DOCK9: variants seen among roughly 807,000 people sequenced by gnomAD.
DOCK9 encodes the protein dedicator of cytokinesis 9, also known as dedicator of cytokinesis protein 9.
A neutral mutation model predicts 263.3 loss-of-function variants in DOCK9; 89 were observed. The ratio of observed to expected loss-of-function variants is 0.34; its 90% CI spans 0.28 to 0.40. The LOEUF is 0.40. Ranked by LOEUF, DOCK9 falls within the 10% of genes least tolerant of loss-of-function variation. The pLI, the probability that DOCK9 is intolerant of heterozygous loss-of-function variation, is 1.00. For missense variants in DOCK9, 2,140 were observed against 2,603.4 expected (o/e 0.82, Z 3.87); for synonymous variants, 976 against 973.1 (o/e 1.00, Z -0.06).
At chr13:99,002,931 G>A (rs923561304) in intron 1 of DOCK9, among the ~76,000 whole-genome samples, 3 of 150,780 alleles carry the variant, frequency 2.0e-5, no homozygotes, top group Non-Finnish European at 4.4e-5. Context: ...TTCTACATCA[G>A]GGGGTTGTCA....
At chr13:98,868,101 T>C (rs1354508910) in intron 28 of DOCK9, 90 bp from the exon 29 acceptor site, 3 of 1,528,228 alleles carry the variant, frequency 2.0e-6, no homozygotes, top group East Asian at 4.6e-5. Flanking sequence ...AATAAGTTTA[T>C]CCACTGACAT....
intron 50 of DOCK9, among the ~76,000 whole-genome samples, chr13:98,797,785 C>T (rs145459106): frequency 7.2e-5 from 11 of 152,290 alleles, no homozygotes; most frequent in Admixed American, 5.2e-4. Context: ...ATAAGCAAAA[C>T]GCCAGAGATC....
chr13:98,971,004 G>A (rs1041478105), intron 1 of DOCK9, among the ~76,000 whole-genome samples: 5 of 152,094 alleles, frequency 3.3e-5, no homozygotes, highest in Non-Finnish European at 7.3e-5. Context: ...AATAAACAAA[G>A]CTTAAAACCT....
At chr13:99,039,511 TTTTAA>T (rs1178367467) in intron 1 of DOCK9, among the ~76,000 whole-genome samples, 2 of 152,360 alleles carry the variant, frequency 1.3e-5, no homozygotes, top group East Asian at 1.9e-4. Context: ...GTGTGTAATA[TTTTAA>T]TTTAATATCA....
At chr13:98,800,097 G>A (rs921623539) in intron 50 of DOCK9, among the ~76,000 whole-genome samples, 191 bp downstream of exon 50, 5 of 152,096 alleles carry the variant, frequency 3.3e-5, no homozygotes, top group Admixed American at 6.5e-5. Flanking sequence ...CTCATGGGGC[G>A]GGGGGCAGGG....
chr13:98,976,204 C>T (rs995138084), intron 1 of DOCK9, among the ~76,000 whole-genome samples: 1 of 152,234 alleles, frequency 6.6e-6, no homozygotes, highest in Admixed American at 6.5e-5. Flanking sequence ...CTGCCACAAG[C>T]TGCTGGGCCC....
chr13:98,846,553 T>G, intron 37 of DOCK9: 1 of 1,352,116 alleles, frequency 7.4e-7, no homozygotes, highest in Non-Finnish European at 9.8e-7. Flanking sequence ...CACACTTTGT[T>G]AAACTTGTCA....
In DOCK9 at chr13:98,825,678, A is replaced by T. The variant is rs2092495069; in HGVS notation, c.5023+1152T>A. ...CACCACATAACTCGGAGCCAATGGA[A>T]TAACAAAAATGGTGGCCAAGGTGCT... On this transcript the variant is annotated intron_variant, in intron 44 of 52. Transcript: ENST00000682017. This position sits in a 1 kb window ranked among gnomAD's most constrained non-coding sequence, Gnocchi z 4.1. 6.6e-6 allele frequency among the ~76,000 whole-genome samples: 1 copy of T among 152,186 alleles called. No homozygotes were observed. Among genetic ancestry groups the T allele is most frequent in the African/African-American group, 2.4e-5 (1 of 41,458 alleles).
At chr13:98,834,008 G>A (rs1333576063) in intron 39 of DOCK9, among the ~76,000 whole-genome samples, 3 of 152,192 alleles carry the variant, frequency 2.0e-5, no homozygotes, top group Non-Finnish European at 4.4e-5. Flanking sequence ...CTGAAGATGG[G>A]AAATTTTCAC....
rs59940349 is a variant in DOCK9 at position 98,910,912 on chromosome 13, C to T, written c.960+3416G>A. Among the ~76,000 whole-genome samples the T allele has an allele frequency of 3.6e-3, 542 of 152,186 alleles. 1 individual carries two copies. Among genetic ancestry groups the T allele is most frequent in the African/African-American group, 0.012 (503 of 41,510 alleles). On this transcript the variant is annotated intron_variant, in intron 9 of 52. Transcript: ENST00000682017. ...GTCTCTGATTCTGTAACCATGGAAT[C>T]CATCCTTCCTAATGGGATGACCAAC...
chr13:98,883,970 G>C lies in DOCK9; in HGVS notation c.2383-71C>G, dbSNP rs147720209. 1.0e-3 allele frequency: 1,078 copies of C among 1,042,058 alleles called. 6 individuals carry two copies. The African/African-American group carries it at 0.014, about 14-fold the overall frequency. The allele number at this position is 1,042,058 out of a possible 1,614,324, so 64.6% of individuals were successfully genotyped here. A position where few individuals can be genotyped will look rare whatever the true frequency, so the allele number is the denominator to read the frequency against. ...TTGGCTCTAACATGATCATCAATGA[G>C]GGTAATGATGAGGGACTGAAAGAGG... On this transcript the variant is annotated intron_variant, in intron 21 of 52. Transcript: ENST00000682017.
At chr13:99,049,174 C>T (rs1348968086) in intron 1 of DOCK9, among the ~76,000 whole-genome samples, 3 of 152,218 alleles carry the variant, frequency 2.0e-5, no homozygotes, top group Admixed American at 1.3e-4. Context: ...TGAAACCCAA[C>T]TGTGAAATGA....
chr13:98,819,049 A>G (rs2092094442), intron 45 of DOCK9, among the ~76,000 whole-genome samples: 1 of 152,244 alleles, frequency 6.6e-6, no homozygotes, highest in South Asian at 2.1e-4. Flanking sequence ...ACAGTGTGCT[A>G]TCACAGCATA....
chr13:98,837,683 T>A, intron 38 of DOCK9, 74 bp from the exon 39 acceptor site: 1 of 931,238 alleles, frequency 1.1e-6, no homozygotes, highest in Non-Finnish European at 1.5e-6. Context: ...GTAGGCACAG[T>A]CAACTTTTGA....
intron 1 of DOCK9, among the ~76,000 whole-genome samples, chr13:99,071,425 T>C (rs977166562): frequency 6.6e-6 from 1 of 150,728 alleles, no homozygotes; most frequent in Non-Finnish European, 1.5e-5. Context: ...CGTGAGTCAC[T>C]GTGCCCTGCT....
chr13:98,826,979 G>T, intron 43 of DOCK9, 92 bp from the exon 44 acceptor site: 1 of 901,854 alleles, frequency 1.1e-6, no homozygotes, highest in Admixed American at 2.6e-5. Flanking sequence ...ATGTATGAAC[G>T]TATATATTAG....
intron 38 of DOCK9, chr13:98,845,397 T>G: frequency 7.4e-7 from 1 of 1,344,104 alleles, no homozygotes; most frequent in East Asian, 4.6e-5. Flanking sequence ...AAAGTCACTT[T>G]GTTATTGGAT....
intron 2 of DOCK9, among the ~76,000 whole-genome samples, chr13:98,941,058 G>C (rs2055758148): frequency 6.6e-6 from 1 of 152,094 alleles, no homozygotes; most frequent in Non-Finnish European, 1.5e-5. Flanking sequence ...CCAGCAACAT[G>C]GACTATTTCT....
chr13:98,850,841 C>T (rs1229355527), intron 35 of DOCK9, among the ~76,000 whole-genome samples: 4 of 152,156 alleles, frequency 2.6e-5, no homozygotes, highest in African/African-American at 9.7e-5. Context: ...GTATTACCAT[C>T]GTTTGAGTTC....
Sources: allele counts gnomAD v4.1 joint callset (sites outside exome capture counted in the v4.1 genomes callset), GRCh38; gene constraint gnomAD v4.1.1; non-coding constraint Gnocchi (gnomAD v3.1); transcripts MANE v1.5; gene names NCBI Gene and HGNC (gene_info 2026-07-23, HGNC 2026-07-21).